Variants in DHX38 observed in about 807,000 individuals in gnomAD.
DHX38 encodes pre-mRNA-splicing factor ATP-dependent RNA helicase PRP16.
Under a neutral mutation model 153.1 loss-of-function variants are expected in DHX38, and 100 were observed. The ratio of observed to expected loss-of-function variants is 0.65; its 90% CI spans 0.56 to 0.77. The LOEUF is 0.77. Among genes scored for constraint, DHX38 ranks in the 30% least tolerant of loss-of-function variants. DHX38 has a pLI of 0.00. For synonymous variants in DHX38, 650 were observed against 631.7 expected (o/e 1.03, Z -0.43); for missense variants, 1,440 against 1,654.0 (o/e 0.87, Z 2.24).
intron 9 of DHX38, among the ~76,000 whole-genome samples, 177 bp from the exon 10 acceptor site, chr16:72,100,909 A>G (rs1467986250): frequency 6.6e-6 from 1 of 152,242 alleles, no homozygotes; most frequent in African/African-American, 2.4e-5. Flanking sequence ...TCTGGGCGAC[A>G]GAGCAAGACT....
At chr16:72,098,823 G>A (rs780521855) in intron 5 of DHX38, 31 bp downstream of exon 5, 6 of 1,612,972 alleles carry the variant, frequency 3.7e-6, no homozygotes, top group Admixed American at 3.3e-5. Flanking sequence ...GCCCAGTTTC[G>A]CTGGGTGGGC....
Position 72,108,843 on chromosome 16 carries a change from A to T in DHX38, c.3299A>T (p.His1100Leu). ...YVNIRTGMPC[H>L]LHPTSSLFGM... ...AACATCCGCACAGGGATGCCCTGCC[A>T]CTTGCACCCCACCAGCTCCCTTTTT... Residue 1100 changes from histidine to leucine, a missense_variant, in exon 24 of 27, where the codon CAC (histidine) becomes CTC (leucine). His to Leu is a moderately conservative substitution (Grantham distance 99). Transcript: ENST00000268482. The T allele has an allele frequency of 6.2e-7, 1 of 1,614,022 alleles. No individual in the cohort carries two copies. The highest frequency in any genetic ancestry group is 8.5e-7 in the Non-Finnish European group (1 of 1,179,990).
rs1300641446 is a variant in DHX38 at position 72,112,731 on chromosome 16, G to A, written c.*234G>A. The A allele has an allele frequency of 9.9e-6, 7 of 705,070 alleles. No homozygotes were observed. The African/African-American group carries it at 1.2e-4, about 12-fold the overall frequency. 43.7% of individuals were successfully genotyped at this position (705,070 alleles called of 1,614,324 possible). On this transcript the variant is annotated 3_prime_UTR_variant, in exon 27 of 27. Transcript: ENST00000268482. ...TGCAGAGTATCCGAGGTGCTGCCGG[G>A]GCAGCGGGAGGTGGCTGGACCCATC...
Position 72,108,554 on chromosome 16 carries a change from A to G in DHX38, c.3202A>G (p.Ile1068Val), listed in dbSNP as rs1032015879. The change falls in exon 23 of 27, where the codon ATC becomes GTC. Residue 1068 changes from isoleucine (I) to valine (V), a missense_variant. Ile to Val is a conservative substitution (Grantham distance 29). Transcript: ENST00000268482. ...GGCCTCGTGTGGCACTGACTGGGAC[A>G]TCGTCAGGAAGTGCATCTGTGCTGC... ...SLASCGTDWD[I>V]VRKCICAAYF... The G allele has an allele frequency of 6.2e-6, 10 of 1,614,054 alleles. No individual in the cohort carries two copies. In the African/African-American group the frequency reaches 6.7e-5, roughly 11 times the overall value.
rs901216579 is a variant in DHX38, at chr16:72,108,211, C to G, written c.2965-16C>G. On this transcript the variant is annotated splice_polypyrimidine_tract_variant and intron_variant, in intron 21 of 26. Transcript: ENST00000268482. ...CCCCCCTGTACTTAGAGTGAAGGTT[C>G]TTTTTCCCTTCCTAGGGTCGAGAGG... The G allele has an allele frequency of 1.9e-6, 3 of 1,613,142 alleles. No individual in the cohort carries two copies. In the African/African-American group the frequency reaches 4.0e-5, roughly 22 times the overall value.
chr16:72,112,333 C>A, intron 26 of DHX38, 80 bp from the exon 27 acceptor site: 2 of 1,416,288 alleles, frequency 1.4e-6, no homozygotes, highest in Non-Finnish European at 2.0e-6. Flanking sequence ...AACAGTAAGT[C>A]CTGGGGCTCT....
rs1300082236 is a variant in DHX38, at chr16:72,104,699, G to A, written c.2151+73G>A. On this transcript the variant is annotated intron_variant, in intron 15 of 26. Transcript: ENST00000268482. The surrounding 1 kb of genome is among the most constrained non-coding windows in gnomAD (Gnocchi z 4.5). The stretch of plus-strand genomic sequence containing the variant: ...TCTCTGATGCGAAGCCGGCTGGAGG[G>A]TGGAGGGTGGGTAGGGGACTGGGTT... The A allele has an allele frequency of 1.3e-6, 2 of 1,596,116 alleles. No homozygotes were observed. The highest frequency in any genetic ancestry group is 2.2e-5 in the East Asian group (1 of 44,672).
chr16:72,097,646 A>G, intron 3 of DHX38, 31 bp from the exon 4 acceptor site: 1 of 1,605,000 alleles, frequency 6.2e-7, no homozygotes, highest in East Asian at 2.2e-5. Flanking sequence ...GATGGGATGC[A>G]TGTTTTTAAG....
At position 72,109,439 on chromosome 16, in the gene DHX38, G is replaced by A. The variant is rs1238732747; in HGVS notation, c.3406G>A (p.Val1136Met). 1 of 1,613,566 alleles carries A rather than the reference G, an allele frequency of 6.2e-7. No homozygotes were observed. Among genetic ancestry groups the A allele is most frequent in the East Asian group, 2.2e-5 (1 of 44,832 alleles). The change falls in exon 25 of 27, where the codon GTG becomes ATG. Residue 1136 changes from valine (V) to methionine (M), a missense_variant. By Grantham distance (21) the Val-to-Met change is conservative (BLOSUM62 1). Transcript: ENST00000268482. ...GGAGTATATGCAGTGTGTGACCGCT[G>A]TGGACGGGGAGTGGCTGGCGGAGCT... ...TKEYMQCVTA[V>M]DGEWLAELGP...
chr16:72,096,117 A>C, intron 1 of DHX38, 22 bp from the exon 2 acceptor site: 1 of 1,567,306 alleles, frequency 6.4e-7, no homozygotes, highest in Non-Finnish European at 8.7e-7. Context: ...CTCTAGTACC[A>C]AATGGTTTGC....
rs755515841 is a variant in DHX38, at chr16:72,096,401, T to G, written c.244T>G (p.Trp82Gly). 8.1e-6 allele frequency: 13 copies of G among 1,614,082 alleles called. No homozygotes were observed. Among genetic ancestry groups the G allele is most frequent in the Non-Finnish European group, 1.1e-5 (13 of 1,180,008 alleles). Residue 82 changes from tryptophan to glycine, a missense_variant, in exon 2 of 27, where the codon TGG (tryptophan) becomes GGG (glycine). Transcript: ENST00000268482. ...KKSKVSSYKD[W>G]EESKDDQKDA... ...GTCCAAAGTCTCCTCCTACAAGGAC[T>G]GGGAAGAGAGCAAGGATGACCAGAA...
intron 8 of DHX38, 101 bp downstream of exon 8, chr16:72,099,988 CT>C (rs1344861042): frequency 5.3e-5 from 78 of 1,459,364 alleles, no homozygotes; most frequent in Non-Finnish European, 4.4e-5. Flanking sequence ...AGCTTGTCCC[CT>C]GATTGCCGAG....
intron 4 of DHX38, 142 bp from the exon 5 acceptor site, chr16:72,098,503 C>G: frequency 9.1e-7 from 1 of 1,100,468 alleles, no homozygotes; most frequent in Non-Finnish European, 1.3e-6. Flanking sequence ...ACTGTCAAAA[C>G]CGATCTTAAC....
At position 72,105,225 on chromosome 16, in the gene DHX38, C is replaced by T; in HGVS notation, c.2263-7C>T. ...CAGTGTCTCACAGCTCCTCCCTGGG[C>T]TCTCAGGTGACCTCAGACCAGATTG... On this transcript the variant is annotated splice_region_variant and splice_polypyrimidine_tract_variant and intron_variant, in intron 16 of 26. Transcript: ENST00000268482. 4 of 1,613,962 alleles carry T rather than the reference C, an allele frequency of 2.5e-6. No homozygotes were observed. Among genetic ancestry groups the T allele is most frequent in the Non-Finnish European group, 3.4e-6 (4 of 1,179,832 alleles).
chr16:72,103,519 T>A, intron 12 of DHX38, 83 bp from the exon 13 acceptor site: 1 of 1,453,390 alleles, frequency 6.9e-7, no homozygotes, highest in Non-Finnish European at 9.5e-7. Context: ...GTCATGGGGA[T>A]AGGAGGTAGC....
chr16:72,108,105 C>A (rs1159530613), intron 21 of DHX38, 122 bp from the exon 22 acceptor site: 4 of 1,185,524 alleles, frequency 3.4e-6, no homozygotes, highest in African/African-American at 1.5e-5. Context: ...ATTGTCAGGG[C>A]AACCTATTGA....
chr16:72,097,792 T>G lies in DHX38; in HGVS notation c.616+11T>G. 1 of 1,610,330 alleles carries G rather than the reference T, an allele frequency of 6.2e-7. No individual in the cohort carries two copies. The highest frequency in any genetic ancestry group is 1.1e-5 in the South Asian group (1 of 90,498). On this transcript the variant is annotated intron_variant, in intron 4 of 26. Transcript: ENST00000268482. ...GACATCGACCTAAAGGTAGACTCACTGTTTTGGTGGCTTGTGAGGATTCAA... is the reference window on the plus strand; with the variant it reads ...GACATCGACCTAAAGGTAGACTCACGGTTTTGGTGGCTTGTGAGGATTCAA...
At position 72,100,505 on chromosome 16, in the gene DHX38, G is replaced by C. The variant is rs750861792; in HGVS notation, c.1186G>C (p.Asp396His). Residue 396 changes from aspartate (D) to histidine (H), a missense_variant, in exon 9 of 27, where the codon GAC becomes CAC. This residue lies in a region of DHX38 where 77 missense variants were observed against 125.4 expected (regional missense o/e 0.61). Coordinates refer to ENST00000268482, the MANE Select transcript of DHX38 (RefSeq NM_014003.4). ...GGTCCATCGGCTGGAGGTGGATGAG[G>C]ACTTTGAAGAGGACAACGCGGCCAA... ...GVVHRLEVDE[D>H]FEEDNAAKVH... The C allele has an allele frequency of 1.9e-6, 3 of 1,614,072 alleles. No individual in the cohort carries two copies. Among genetic ancestry groups the C allele is most frequent in the Admixed American group, 1.7e-5 (1 of 60,014 alleles).
intron 12 of DHX38, 59 bp downstream of exon 12, chr16:72,103,270 A>G (rs1269515765): frequency 2.5e-6 from 4 of 1,575,376 alleles, no homozygotes; most frequent in Non-Finnish European, 3.4e-6. Context: ...TTGGTCTCCC[A>G]TGTTTACCCA....
Sources: gnomAD v4.1 joint callset for allele counts (sites outside exome capture counted in the v4.1 genomes callset) on GRCh38, gnomAD v4.1.1 for gene constraint, gnomAD v4.1.1 regional missense constraint, Gnocchi (gnomAD v3.1) non-coding constraint, MANE v1.5 for transcripts, NCBI Gene and HGNC (gene_info 2026-07-23, HGNC 2026-07-21) for gene names.